CACNG3: variants seen among roughly 807,000 people sequenced by gnomAD.
CACNG3 encodes the protein calcium voltage-gated channel auxiliary subunit gamma 3, also known as voltage-dependent calcium channel gamma-3 subunit.
CACNG3 carries 3 observed loss-of-function variants against 28.5 expected under a neutral mutation model. That is an observed-to-expected ratio of 0.11 (90% CI 0.05 to 0.27). The LOEUF (loss-of-function observed/expected upper bound fraction) is 0.27, where lower values mean the gene tolerates loss of function less well. Ranked by LOEUF, CACNG3 falls within the 10% of genes least tolerant of loss-of-function variation. The pLI, the probability that CACNG3 is intolerant of heterozygous loss-of-function variation, is 1.00. For missense variants in CACNG3, 236 were observed against 414.4 expected (o/e 0.57, Z 3.74); for synonymous variants, 174 against 162.2 (o/e 1.07, Z -0.55).
At chr16:24,302,062 C>A (rs1899119685) in intron 1 of CACNG3, among the ~76,000 whole-genome samples, 1 of 152,196 alleles carries the variant, frequency 6.6e-6, no homozygotes, top group African/African-American at 2.4e-5. Context: ...AATTTCTCTC[C>A]TGCTATCCCC....
intron 1 of CACNG3, among the ~76,000 whole-genome samples, chr16:24,305,674 T>C (rs1316104265): frequency 6.6e-6 from 1 of 151,854 alleles, no homozygotes; most frequent in Non-Finnish European, 1.5e-5. Context: ...AGGGAGAGCA[T>C]TAGGACAAAC....
intron 1 of CACNG3, among the ~76,000 whole-genome samples, chr16:24,312,959 A>AAGAAAGAAAGAAAGAG (rs1297026328): frequency 0.018 from 2,488 of 139,560 alleles, 29 homozygotes; most frequent in East Asian, 0.024. Context: ...AAGAAAGAGA[A>AAGAAAGAAAGAAAGAG]AGAAAGAAAA....
In CACNG3 at chr16:24,349,537, G is replaced by C. The variant is rs1033033198; in HGVS notation, c.295+2720G>C. ...AGGGGTAGGCGATTCCAGGAACTGAGGGTTCCTCCCACTTTAAGAACATAG... is the reference window on the plus strand; with the variant it reads ...AGGGGTAGGCGATTCCAGGAACTGACGGTTCCTCCCACTTTAAGAACATAG... On this transcript the variant is annotated intron_variant, in intron 2 of 3. Transcript: ENST00000005284. 1.1e-4 allele frequency among the ~76,000 whole-genome samples: 16 copies of C among 152,310 alleles called. 2 individuals carry two copies. Among genetic ancestry groups the C allele is most frequent in the Admixed American group, 2.0e-4 (3 of 15,296 alleles).
At chr16:24,264,335 G>A (rs1292062238) in intron 1 of CACNG3, among the ~76,000 whole-genome samples, 4 of 152,176 alleles carry the variant, frequency 2.6e-5, no homozygotes, top group East Asian at 1.9e-4. Flanking sequence ...ATAAATGTTC[G>A]CAGGGTACTG....
At chr16:24,320,435 A>G (rs1413060091) in intron 1 of CACNG3, among the ~76,000 whole-genome samples, 4 of 152,162 alleles carry the variant, frequency 2.6e-5, no homozygotes, top group Admixed American at 2.6e-4. Flanking sequence ...CCATGTGATG[A>G]CCTCACAGTT....
At chr16:24,265,484 A>G (rs1037795009) in intron 1 of CACNG3, among the ~76,000 whole-genome samples, 1 of 144,758 alleles carries the variant, frequency 6.9e-6, no homozygotes, top group East Asian at 2.0e-4. Flanking sequence ...GAGAGAGAGA[A>G]AGAGAAAGAA....
chr16:24,260,247 A>G (rs1297856160), intron 1 of CACNG3, among the ~76,000 whole-genome samples: 7 of 152,160 alleles, frequency 4.6e-5, no homozygotes. Context: ...ATATTTTTAT[A>G]TTTGACTCCT....
intron 1 of CACNG3, among the ~76,000 whole-genome samples, chr16:24,284,216 T>C (rs898139485): frequency 7.2e-5 from 11 of 152,190 alleles, no homozygotes; most frequent in Non-Finnish European, 1.3e-4. Flanking sequence ...TGGTTTGTCT[T>C]TTGTGTGTTA....
intron 1 of CACNG3, among the ~76,000 whole-genome samples, chr16:24,331,373 T>C (rs1899629159): frequency 6.6e-6 from 1 of 152,148 alleles, no homozygotes; most frequent in South Asian, 2.1e-4. Flanking sequence ...GGACTGTCAT[T>C]CCTCATTAAA....
At chr16:24,294,639 G>A (rs1316059955) in intron 1 of CACNG3, among the ~76,000 whole-genome samples, 2 of 152,136 alleles carry the variant, frequency 1.3e-5, no homozygotes, top group Non-Finnish European at 2.9e-5. Context: ...GGCCTCAAGC[G>A]ATCCTCCTAC....
rs147878010 is a variant in CACNG3 at position 24,335,096 on chromosome 16, G to T, written c.212-11638G>T. Among the ~76,000 whole-genome samples the T allele has an allele frequency of 8.4e-4, 128 of 152,240 alleles. No individual in the cohort carries two copies. The South Asian group carries it at 0.012, about 15-fold the overall frequency. The stretch of plus-strand genomic sequence containing the variant: ...CAGGGTCTAGGGTTAGACAGACCTT[G>T]GTTTTATGACTCAGCTTCCCCTTCT... On this transcript the variant is annotated intron_variant, in intron 1 of 3. Transcript: ENST00000005284.
intron 1 of CACNG3, among the ~76,000 whole-genome samples, chr16:24,326,105 G>A (rs1899537983): frequency 6.6e-6 from 1 of 152,130 alleles, no homozygotes; most frequent in South Asian, 2.1e-4. Context: ...CTTGGCAACT[G>A]TAGCCCCAGC....
At chr16:24,301,541 G>A (rs1226653797) in intron 1 of CACNG3, among the ~76,000 whole-genome samples, 1 of 152,158 alleles carries the variant, frequency 6.6e-6, no homozygotes, top group Non-Finnish European at 1.5e-5. Flanking sequence ...GTGCAGGCAG[G>A]AAAGGACTTC....
At chr16:24,268,890 C>T (rs893969579) in intron 1 of CACNG3, among the ~76,000 whole-genome samples, 2 of 152,184 alleles carry the variant, frequency 1.3e-5, no homozygotes, top group Non-Finnish European at 2.9e-5. Flanking sequence ...CACGAGTCAA[C>T]CCTACCCTCA....
chr16:24,284,461 G>A (rs1898868284), intron 1 of CACNG3, among the ~76,000 whole-genome samples: 1 of 152,118 alleles, frequency 6.6e-6, no homozygotes, highest in Non-Finnish European at 1.5e-5. Flanking sequence ...GTTAAATAGT[G>A]TGATTGCTTA....
At chr16:24,360,086 A>G (rs898226429) in intron 3 of CACNG3, among the ~76,000 whole-genome samples, 3 of 152,154 alleles carry the variant, frequency 2.0e-5, no homozygotes, top group African/African-American at 7.2e-5. Flanking sequence ...ATGGTTACTC[A>G]CCAACTGTTG....
At chr16:24,304,808 C>T (rs540344021) in intron 1 of CACNG3, among the ~76,000 whole-genome samples, 69 of 152,098 alleles carry the variant, frequency 4.5e-4, no homozygotes, top group Non-Finnish European at 7.5e-4. Flanking sequence ...GTGATCCTCC[C>T]GCCTCATCCT....
At chr16:24,306,946 G>A (rs557826110) in intron 1 of CACNG3, among the ~76,000 whole-genome samples, 39 of 152,206 alleles carry the variant, frequency 2.6e-4, no homozygotes, top group African/African-American at 8.4e-4. Context: ...GTTCTTATCC[G>A]ACACAACTGA....
intron 3 of CACNG3, among the ~76,000 whole-genome samples, chr16:24,359,463 A>C (rs773821632): frequency 1.3e-5 from 2 of 152,140 alleles, no homozygotes; most frequent in African/African-American, 4.8e-5. Flanking sequence ...CTACCTGCTG[A>C]ATGTCTGTGC....
Sources: allele counts gnomAD v4.1 joint callset (sites outside exome capture counted in the v4.1 genomes callset), GRCh38; gene constraint gnomAD v4.1.1; transcripts MANE v1.5; gene names NCBI Gene and HGNC (gene_info 2026-07-23, HGNC 2026-07-21).